Variants in MANSC1 observed in about 807,000 individuals in gnomAD.
MANSC1 encodes the protein MANSC domain containing 1, also known as MANSC domain-containing protein 1.
MANSC1 carries 13 observed loss-of-function variants against 14.1 expected under a neutral mutation model. The ratio of observed to expected loss-of-function variants is 0.92; its 90% CI spans 0.60 to 1.46. The LOEUF (loss-of-function observed/expected upper bound fraction) is 1.46. Ranked by LOEUF, MANSC1 falls within the 40% of genes most tolerant of loss-of-function variation. MANSC1 has a pLI of 0.00. For missense variants in MANSC1, 486 were observed against 511.4 expected (o/e 0.95, Z 0.48); for synonymous variants, 227 against 200.7 (o/e 1.13, Z -1.11).
At chr12:12,344,936 T>TATATATATATATAC (rs1862988878) in intron 1 of MANSC1, among the ~76,000 whole-genome samples, 3 of 77,120 alleles carry the variant, frequency 3.9e-5, no homozygotes, top group Non-Finnish European at 7.5e-5. Flanking sequence ...TATATATATA[T>TATATATATATATAC]ATATATATAT....
intron 3 of MANSC1, among the ~76,000 whole-genome samples, chr12:12,337,429 C>T (rs112529143): frequency 2.4e-4 from 37 of 151,460 alleles, no homozygotes; most frequent in Middle Eastern, 3.4e-3. Context: ...GGCGTGGTGG[C>T]GGGCACCTGT....
chr12:12,343,747 T>C (rs982833995), intron 1 of MANSC1, among the ~76,000 whole-genome samples: 3 of 152,210 alleles, frequency 2.0e-5, no homozygotes, highest in Admixed American at 6.5e-5. Flanking sequence ...ACATTTCTAG[T>C]CACTGATGAA....
intron 2 of MANSC1, among the ~76,000 whole-genome samples, chr12:12,342,696 A>C (rs1862953004): frequency 6.6e-6 from 1 of 151,212 alleles, no homozygotes; most frequent in South Asian, 2.1e-4. Context: ...GATTTTCCCA[A>C]GAGATAAGAA....
Position 12,329,885 on chromosome 12 carries a change from C to CAA in MANSC1, c.*141_*142insTT. On this transcript the variant is annotated 3_prime_UTR_variant, in exon 4 of 4. Transcript: ENST00000535902. The stretch of plus-strand genomic sequence containing the variant: ...TGGGCAACAAAGCAAGACTCTGTCT[C>CAA]CAAAAAAAAAAAAGGAAAGCAGAAG... 27 of 640,360 alleles carry CAA rather than the reference C, an allele frequency of 4.2e-5. No individual in the cohort carries two copies. The highest frequency in any genetic ancestry group is 1.1e-4 in the South Asian group (5 of 45,312). The allele number at this position is 640,360 out of a possible 1,614,324, so 39.7% of individuals were successfully genotyped here.
chr12:12,348,081 A>AG (rs1863031435), intron 1 of MANSC1: 1 of 152,118 alleles, frequency 6.6e-6, no homozygotes. Flanking sequence ...AAAAAAAAAA[A>AG]GGAAAAATTC....
chr12:12,331,454 A>G (rs1862788590), intron 3 of MANSC1, among the ~76,000 whole-genome samples: 1 of 152,206 alleles, frequency 6.6e-6, no homozygotes, highest in Non-Finnish European at 1.5e-5. Context: ...CGTCTTCCTA[A>G]GGGGCCAAGG....
intron 1 of MANSC1, among the ~76,000 whole-genome samples, chr12:12,344,000 C>T (rs945576176): frequency 2.6e-5 from 4 of 151,816 alleles, no homozygotes; most frequent in African/African-American, 7.3e-5. Flanking sequence ...GTGGTCCCAG[C>T]GACTTGGGAG....
At chr12:12,349,187 A>G (rs1399703878) in intron 1 of MANSC1, among the ~76,000 whole-genome samples, 1 of 152,240 alleles carries the variant, frequency 6.6e-6, no homozygotes, top group African/African-American at 2.4e-5. Flanking sequence ...GTTCACAGAC[A>G]TCCTGAATTC....
intron 2 of MANSC1, among the ~76,000 whole-genome samples, chr12:12,341,990 C>T (rs1862939984): frequency 6.6e-6 from 1 of 152,228 alleles, no homozygotes; most frequent in African/African-American, 2.4e-5. Flanking sequence ...AGTGAGACAT[C>T]ATCACAGACA....
intron 2 of MANSC1, among the ~76,000 whole-genome samples, chr12:12,341,754 GC>G (rs2135995190): frequency 6.6e-6 from 1 of 152,330 alleles, no homozygotes; most frequent in South Asian, 2.1e-4. Context: ...ACTTTGGGAG[GC>G]CAAGGTGGGA....
At position 12,328,038 on chromosome 12, in the gene MANSC1, T is replaced by C. The variant is rs1301380820; in HGVS notation, c.*1989A>G. ...TAAGTTCGCATCTGAATTCCATTTT[T>C]ATCTTTAAAAACTCTGGTGACACTT... On this transcript the variant is annotated 3_prime_UTR_variant, in exon 4 of 4. Transcript: ENST00000535902. 1 of 152,216 alleles carries C rather than the reference T, an allele frequency of 6.6e-6. No homozygotes were observed. Among genetic ancestry groups the C allele is most frequent in the Non-Finnish European group, 1.5e-5 (1 of 68,044 alleles). 9.4% of individuals were successfully genotyped at this position (152,216 alleles called of 1,614,324 possible).
intron 2 of MANSC1, among the ~76,000 whole-genome samples, chr12:12,339,507 G>C (rs1315306212): frequency 1.3e-5 from 2 of 151,560 alleles, no homozygotes; most frequent in Non-Finnish European, 1.5e-5. Context: ...GGCTCAAGCT[G>C]TTTGCCCTAG....
chr12:12,345,281 C>T (rs1163812993), intron 1 of MANSC1, among the ~76,000 whole-genome samples: 1 of 146,156 alleles, frequency 6.8e-6, no homozygotes, highest in South Asian at 2.2e-4. Flanking sequence ...GATTGCACCA[C>T]TGCACTCCAG....
chr12:12,335,873 G>T (rs1453243614), intron 3 of MANSC1, among the ~76,000 whole-genome samples: 1 of 151,366 alleles, frequency 6.6e-6, no homozygotes, highest in African/African-American at 2.4e-5. Flanking sequence ...ACTCCCAACA[G>T]CTTCCCACCA....
In MANSC1 at chr12:12,348,477, G is replaced by A. The variant is rs376405089; in HGVS notation, c.-101+1601C>T. On this transcript the variant is annotated intron_variant, in intron 1 of 3. Coordinates refer to ENST00000535902, the MANE Select transcript of MANSC1 (RefSeq NM_018050.4). ...TGAACAGATATGAATCTAACTGTAT[G>A]ACGTTCTAAAAAAGGCAAACTACAG... Among the ~76,000 whole-genome samples the A allele has an allele frequency of 3.7e-3, 567 of 152,270 alleles. 5 individuals are homozygous for A. Among genetic ancestry groups the A allele is most frequent in the African/African-American group, 0.013 (546 of 41,546 alleles).
intron 2 of MANSC1, among the ~76,000 whole-genome samples, chr12:12,342,374 G>A (rs1306898730): frequency 6.6e-6 from 1 of 152,116 alleles, no homozygotes; most frequent in African/African-American, 2.4e-5. Context: ...CTCGGACAGG[G>A]TCATAAGTAA....
chr12:12,348,091 C>A (rs1469262166), intron 1 of MANSC1: 1 of 151,942 alleles, frequency 6.6e-6, no homozygotes, highest in Non-Finnish European at 1.5e-5. Context: ...AGGAAAAATT[C>A]TCATTCATTG....
chr12:12,334,680 C>A (rs1225508779), intron 3 of MANSC1, among the ~76,000 whole-genome samples: 1 of 152,164 alleles, frequency 6.6e-6, no homozygotes, highest in Non-Finnish European at 1.5e-5. Flanking sequence ...TTTTTCCGTT[C>A]CCATTGGCAA....
intron 1 of MANSC1, among the ~76,000 whole-genome samples, chr12:12,346,156 C>G (rs1466335991): frequency 6.6e-6 from 1 of 151,012 alleles, no homozygotes; most frequent in Non-Finnish European, 1.5e-5. Context: ...GCCTGTAGTC[C>G]CAGCTACTCG....
Sources: gnomAD v4.1 joint callset for allele counts (sites outside exome capture counted in the v4.1 genomes callset) on GRCh38, gnomAD v4.1.1 for gene constraint, MANE v1.5 for transcripts, NCBI Gene and HGNC (gene_info 2026-07-23, HGNC 2026-07-21) for gene names.